Variants in DTNA observed in about 807,000 individuals in gnomAD.
DTNA encodes dystrophin-related protein 3.
In DTNA, 43 loss-of-function variants were observed where a neutral mutation model predicts 100.7. The ratio of observed to expected loss-of-function variants is 0.43; its 90% CI spans 0.33 to 0.55. The LOEUF (loss-of-function observed/expected upper bound fraction) is 0.55. DTNA is among the 20% of genes least tolerant of loss of function. DTNA has a pLI of 0.04. For synonymous variants in DTNA, 349 were observed against 347.9 expected (o/e 1.00, Z -0.04); for missense variants, 798 against 953.9 (o/e 0.84, Z 2.15).
intron 1 of DTNA, among the ~76,000 whole-genome samples, chr18:34,636,718 T>C (rs555372584): frequency 5.6e-4 from 85 of 152,312 alleles, no homozygotes; most frequent in Admixed American, 2.2e-3. Flanking sequence ...AACAGAACCA[T>C]ACAGAATGCT....
Position 34,818,312 on chromosome 18 carries a change from G to A in DTNA, c.858G>A (p.Met286Ile). 1 of 1,613,970 alleles carries A rather than the reference G, an allele frequency of 6.2e-7. No homozygotes were observed. Among genetic ancestry groups the A allele is most frequent in the Non-Finnish European group, 8.5e-7 (1 of 1,179,906 alleles). ...AGGSHSNQHQ[M>I]KEYTSWKSPA... ...GTTCTCATAGCAACCAGCACCAAAT[G>A]AAAGAGTACACGTCATGGGTAAGGC... The change falls in exon 8 of 23, where the codon ATG becomes ATA. Residue 286 changes from methionine to isoleucine, a missense_variant. By Grantham distance (10) the Met-to-Ile change is conservative. Coordinates refer to ENST00000444659, the MANE Select transcript of DTNA (RefSeq NM_001386795.1).
At chr18:34,652,985 C>A (rs1280570591) in intron 1 of DTNA, among the ~76,000 whole-genome samples, 1 of 151,816 alleles carries the variant, frequency 6.6e-6, no homozygotes, top group Admixed American at 6.6e-5. Flanking sequence ...ATCCACATTG[C>A]CAGAACAATG....
At position 34,838,857 on chromosome 18, in the gene DTNA, C is replaced by T. The variant is rs759345714; in HGVS notation, c.1346+20C>T. On this transcript the variant is annotated intron_variant, in intron 13 of 22. Coordinates refer to ENST00000444659, the MANE Select transcript of DTNA (RefSeq NM_001386795.1). ...CTCATGGTTAGTGCAGGTTTGGCTG[C>T]TTGACTGTCCTTAGAGAGGGATACA... The T allele has an allele frequency of 1.2e-5, 20 of 1,605,270 alleles. No individual in the cohort carries two copies. In the South Asian group the frequency reaches 2.1e-4, roughly 17 times the overall value.
At chr18:34,555,537 G>A (rs1466065515) in intron 1 of DTNA, among the ~76,000 whole-genome samples, 4 of 151,864 alleles carry the variant, frequency 2.6e-5, no homozygotes, top group African/African-American at 4.8e-5. Context: ...CCCTCTACAT[G>A]CTGCTTTGAA....
chr18:34,523,458 A>T (rs776168282), intron 1 of DTNA, among the ~76,000 whole-genome samples: 1 of 152,130 alleles, frequency 6.6e-6, no homozygotes, highest in Non-Finnish European at 1.5e-5. Context: ...GAATAATAAT[A>T]ATTATTAAAA....
At chr18:34,862,890 C>G (rs1171958650) in intron 16 of DTNA, among the ~76,000 whole-genome samples, 1 of 152,192 alleles carries the variant, frequency 6.6e-6, no homozygotes, top group Non-Finnish European at 1.5e-5. Flanking sequence ...AGTCATTGAC[C>G]TAGCTCACTG....
intron 4 of DTNA, among the ~76,000 whole-genome samples, chr18:34,805,469 C>T (rs1005986435): frequency 2.6e-5 from 4 of 152,004 alleles, no homozygotes; most frequent in South Asian, 2.1e-4. Flanking sequence ...GGATTACAGA[C>T]GTGCACCACC....
chr18:34,844,200 G>A (rs933589716), intron 13 of DTNA, among the ~76,000 whole-genome samples: 2 of 152,086 alleles, frequency 1.3e-5, no homozygotes, highest in African/African-American at 4.8e-5. Flanking sequence ...TGAAGTCAGG[G>A]TCTCAATAAA....
At chr18:34,846,085 G>GAT (rs1212796250) in intron 13 of DTNA, among the ~76,000 whole-genome samples, 1 of 151,968 alleles carries the variant, frequency 6.6e-6, no homozygotes, top group African/African-American at 2.4e-5. Flanking sequence ...CTAGATCCTT[G>GAT]ATACTCAGTG....
At chr18:34,532,208 A>G (rs112660764) in intron 1 of DTNA, among the ~76,000 whole-genome samples, 13 of 152,276 alleles carry the variant, frequency 8.5e-5, no homozygotes, top group African/African-American at 3.1e-4. Flanking sequence ...GGGAGGAAAG[A>G]TGACATAAGT....
Position 34,684,296 on chromosome 18 carries a change from C to T in DTNA, c.-1-71680C>T, listed in dbSNP as rs555600263. On this transcript the variant is annotated intron_variant, in intron 1 of 19. Coordinates refer to the DTNA transcript ENST00000283365. ...TATTTCTCCTAATGCTATCCCTCCC[C>T]TTGCCCCCCATCCCGCAACAAGCCC... is the stretch of plus-strand genomic sequence containing the variant. 2.6e-5 allele frequency among the ~76,000 whole-genome samples: 4 copies of T among 152,214 alleles called. No homozygotes were observed. In the South Asian group the frequency reaches 8.3e-4, roughly 32 times the overall value.
intron 13 of DTNA, among the ~76,000 whole-genome samples, chr18:34,847,136 G>A (rs1294174348): frequency 6.6e-6 from 1 of 152,044 alleles, no homozygotes; most frequent in African/African-American, 2.4e-5. Context: ...ATTTTTAATG[G>A]CACCCAAAAC....
At chr18:34,670,130 T>C (rs1200800962) in intron 1 of DTNA, among the ~76,000 whole-genome samples, 2 of 152,328 alleles carry the variant, frequency 1.3e-5, no homozygotes, top group South Asian at 2.1e-4. Flanking sequence ...TCATTTCTTT[T>C]TATGCTTTTT....
At chr18:34,633,101 A>G (rs1351676477) in intron 1 of DTNA, among the ~76,000 whole-genome samples, 3 of 152,196 alleles carry the variant, frequency 2.0e-5, no homozygotes, top group African/African-American at 7.2e-5. Flanking sequence ...AAGTTAATGT[A>G]TCTTCCTTGT....
intron 11 of DTNA, among the ~76,000 whole-genome samples, chr18:34,836,478 T>A (rs1373466606): frequency 6.6e-6 from 1 of 151,950 alleles, no homozygotes; most frequent in Non-Finnish European, 1.5e-5. Context: ...TGAAACCCCA[T>A]CTCTACTAAA....
At chr18:34,878,948 A>G (rs1272488578) in intron 19 of DTNA, among the ~76,000 whole-genome samples, 1 of 152,228 alleles carries the variant, frequency 6.6e-6, no homozygotes, top group African/African-American at 2.4e-5. Context: ...TCAATTGAAA[A>G]TTGTTGCTGC....
intron 1 of DTNA, among the ~76,000 whole-genome samples, chr18:34,528,480 A>G (rs1382508311): frequency 6.6e-6 from 1 of 152,184 alleles, no homozygotes; most frequent in Non-Finnish European, 1.5e-5. Flanking sequence ...AGCAATGCAT[A>G]TATATATACA....
chr18:34,532,770 A>ACGTG (rs2043274366), intron 1 of DTNA, among the ~76,000 whole-genome samples: 1 of 149,846 alleles, frequency 6.7e-6, no homozygotes, highest in South Asian at 2.1e-4. Flanking sequence ...ATATATATAT[A>ACGTG]TGTGTGTGTG....
At chr18:34,722,308 C>G (rs2085511145) in intron 1 of DTNA, among the ~76,000 whole-genome samples, 1 of 151,622 alleles carries the variant, frequency 6.6e-6, no homozygotes, top group African/African-American at 2.4e-5. Flanking sequence ...ATAGACAAAC[C>G]CTGGAGTATA....
Sources: gnomAD v4.1 joint callset for allele counts (sites outside exome capture counted in the v4.1 genomes callset) on GRCh38, gnomAD v4.1.1 for gene constraint, MANE v1.5 for transcripts, NCBI Gene and HGNC (gene_info 2026-07-23, HGNC 2026-07-21) for gene names.